ST8SIA1: variants seen among roughly 807,000 people sequenced by gnomAD.
ST8SIA1 encodes alpha-N-acetylneuraminide alpha-2,8-sialyltransferase.
In ST8SIA1, 16 loss-of-function variants were observed where a neutral mutation model predicts 35.9. The ratio of observed to expected loss-of-function variants is 0.45; its 90% confidence interval spans 0.30 to 0.68. The LOEUF (loss-of-function observed/expected upper bound fraction) is 0.68, where lower values mean the gene tolerates loss of function less well. Among genes scored for constraint, ST8SIA1 ranks in the 30% least tolerant of loss-of-function variants. The pLI is 0.09. For synonymous variants in ST8SIA1, 170 were observed against 169.6 expected, an observed-to-expected ratio of 1.00 and a Z score of -0.02; for missense variants, 383 against 453.6, an observed-to-expected ratio of 0.84 and a Z score of 1.41.
intron 4 of ST8SIA1, among the ~76,000 whole-genome samples, chr12:22,229,053 C>CAAAA: frequency 3.4e-5 from 1 of 29,770 alleles, no homozygotes. Context: ...GACTCCATCT[C>CAAAA]CAAAAAAAAA....
chr12:22,326,580 C>G (rs1462136835), intron 1 of ST8SIA1, among the ~76,000 whole-genome samples: 2 of 152,146 alleles, frequency 1.3e-5, no homozygotes, highest in African/African-American at 2.4e-5. Flanking sequence ...ATGACAGAAC[C>G]AGGATTAGAT....
chr12:22,255,408 G>A lies in ST8SIA1; in HGVS notation c.382-19C>T, dbSNP rs1865718645. 1 of 1,606,452 alleles carries A rather than the reference G, an allele frequency of 6.2e-7. No individual in the cohort carries two copies. Among genetic ancestry groups the A allele is most frequent in the East Asian group, 2.2e-5 (1 of 44,842 alleles). ...GGGTTGCCTAGCAACAGAAAACAAGGCGGGTTTTCACTGCAAAGAACACAC... is the reference window on the plus strand; with the variant it reads ...GGGTTGCCTAGCAACAGAAAACAAGACGGGTTTTCACTGCAAAGAACACAC... On this transcript the variant is annotated intron_variant, in intron 2 of 4. Transcript: ENST00000396037.
intron 1 of ST8SIA1, among the ~76,000 whole-genome samples, chr12:22,290,034 AG>A (rs1479754586): frequency 2.6e-5 from 4 of 152,222 alleles, no homozygotes; most frequent in Non-Finnish European, 5.9e-5. Flanking sequence ...TCACCATGCT[AG>A]GGCACTCATA....
intron 1 of ST8SIA1, among the ~76,000 whole-genome samples, chr12:22,311,691 T>C (rs1269108956): frequency 6.6e-6 from 1 of 152,174 alleles, no homozygotes; most frequent in Non-Finnish European, 1.5e-5. Flanking sequence ...CATGTTTTTA[T>C]TTATTTGGCA....
At position 22,195,188 on chromosome 12, in the gene ST8SIA1, C is replaced by CG; in HGVS notation, c.*6363_*6364insC. On this transcript the variant is annotated 3_prime_UTR_variant, in exon 5 of 5. Transcript: ENST00000396037. Reference sequence around the variant, plus strand: ...ACAAGAGCAAAAAACTCTGTCTCAACAAAAAAAAAAAAAAAAAAAAAAAAG... The same window carrying CG: ...ACAAGAGCAAAAAACTCTGTCTCAACGAAAAAAAAAAAAAAAAAAAAAAAAG... 2.0e-5 allele frequency: 1 copy of CG among 51,034 alleles called. No individual in the cohort carries two copies. The highest frequency in any genetic ancestry group is 8.9e-4 in the South Asian group (1 of 1,124). The allele number at this position is 51,034 out of a possible 1,614,324, so 3.2% of individuals were successfully genotyped here. A position where few individuals can be genotyped will look rare whatever the true frequency, so the allele number is the denominator to read the frequency against.
chr12:22,230,339 ACT>A (rs1243844195), intron 4 of ST8SIA1, among the ~76,000 whole-genome samples: 1 of 152,034 alleles, frequency 6.6e-6, no homozygotes, highest in Admixed American at 6.6e-5. Context: ...ACAGCTATAG[ACT>A]CTGAATCCTG....
intron 2 of ST8SIA1, chr12:22,286,425 A>T: frequency 5.8e-6 from 3 of 518,524 alleles, no homozygotes; most frequent in South Asian, 4.2e-5. Flanking sequence ...TGAGCAAACC[A>T]AGGGTGGCTA....
chr12:22,242,903 T>C (rs1865556600), intron 4 of ST8SIA1, among the ~76,000 whole-genome samples: 1 of 152,182 alleles, frequency 6.6e-6, no homozygotes, highest in Admixed American at 6.5e-5. Context: ...TCTAATCTTA[T>C]GTCTCAGGCA....
Position 22,287,273 on chromosome 12 carries a change from C to T in ST8SIA1, c.257G>A (p.Cys86Tyr). ...CATAGCAAAGAGATGGGCAGGGTCGCAGCAGTCTTCCATTTGTTTCCTAGG... is the reference window on the plus strand; with the variant it reads ...CATAGCAAAGAGATGGGCAGGGTCGTAGCAGTCTTCCATTTGTTTCCTAGG... ...RAFRKQMEDCCDPAHLFAMTK... is the reference protein window; with the variant it reads ...RAFRKQMEDCYDPAHLFAMTK... The change falls in exon 2 of 5, where the codon TGC becomes TAC. Residue 86 changes from cysteine (C) to tyrosine (Y), a missense_variant. Coordinates refer to ENST00000396037, the MANE Select transcript of ST8SIA1 (RefSeq NM_003034.4). 6.2e-7 allele frequency: 1 copy of T among 1,612,882 alleles called. No homozygotes were observed. Among genetic ancestry groups the T allele is most frequent in the South Asian group, 1.1e-5 (1 of 90,964 alleles).
At chr12:22,313,489 A>G (rs1866478966) in intron 1 of ST8SIA1, among the ~76,000 whole-genome samples, 1 of 152,170 alleles carries the variant, frequency 6.6e-6, no homozygotes, top group African/African-American at 2.4e-5. Context: ...TAATGGCCAA[A>G]TACACTCAAA....
chr12:22,318,641 C>T (rs183102523), intron 1 of ST8SIA1, among the ~76,000 whole-genome samples: 40 of 152,330 alleles, frequency 2.6e-4, no homozygotes, highest in African/African-American at 9.4e-4. Flanking sequence ...AAAGAGACAT[C>T]CTCCTTCCTC....
chr12:22,235,892 C>CCACACACACA (rs3831855), intron 4 of ST8SIA1, among the ~76,000 whole-genome samples: 1 of 149,398 alleles, frequency 6.7e-6, no homozygotes, highest in Non-Finnish European at 1.5e-5. Context: ...ATTCCCTTCA[C>CCACACACACA]CACACACACA....
chr12:22,233,758 T>C (rs1180173232), intron 4 of ST8SIA1, among the ~76,000 whole-genome samples: 1 of 152,166 alleles, frequency 6.6e-6, no homozygotes, highest in Non-Finnish European at 1.5e-5. Context: ...AAGTTTTCAC[T>C]GAAAAATCAG....
chr12:22,288,200 T>A (rs1866127408), intron 1 of ST8SIA1, among the ~76,000 whole-genome samples: 1 of 152,178 alleles, frequency 6.6e-6, no homozygotes, highest in African/African-American at 2.4e-5. Context: ...CACTTCCTCC[T>A]CTAGGAAGAT....
At chr12:22,321,537 C>G (rs1290214008) in intron 1 of ST8SIA1, among the ~76,000 whole-genome samples, 1 of 152,110 alleles carries the variant, frequency 6.6e-6, no homozygotes, top group Non-Finnish European at 1.5e-5. Flanking sequence ...CCTGAGCAGG[C>G]GGAGGTGGTA....
chr12:22,243,607 T>A (rs567182029), intron 4 of ST8SIA1, among the ~76,000 whole-genome samples: 1 of 152,366 alleles, frequency 6.6e-6, no homozygotes, highest in Admixed American at 6.5e-5. Context: ...CAGCACTTGC[T>A]ACCTGTTTGA....
rs558063384 is a variant in ST8SIA1, at chr12:22,287,278, G to A, written c.252C>T (p.Asp84=). 1.2e-6 allele frequency: 2 copies of A among 1,612,650 alleles called. No individual in the cohort carries two copies. The highest frequency in any genetic ancestry group is 2.2e-5 in the South Asian group (2 of 90,922). The part of the protein sequence containing the change: ...AARAFRKQME[D]CCDPAHLFAM... ...CAAAGAGATGGGCAGGGTCGCAGCA[G>A]TCTTCCATTTGTTTCCTAGGAGAGA... Residue 84 remains aspartate (D), a synonymous_variant, in exon 2 of 5, where the codon GAC becomes GAT. Transcript: ENST00000396037.
At chr12:22,290,855 C>T (rs1452871904) in intron 1 of ST8SIA1, among the ~76,000 whole-genome samples, 1 of 152,122 alleles carries the variant, frequency 6.6e-6, no homozygotes, top group Non-Finnish European at 1.5e-5. Flanking sequence ...GTATTATTTG[C>T]TTTTCTTTTG....
chr12:22,249,151 CAGTT>C, intron 3 of ST8SIA1, 53 bp from the exon 4 acceptor site: 2 of 1,137,476 alleles, frequency 1.8e-6, no homozygotes, highest in Non-Finnish European at 2.6e-6. Context: ...TTTAAATCAT[CAGTT>C]AGAATAATAC....
Sources: gnomAD v4.1 joint callset for allele counts (sites outside exome capture counted in the v4.1 genomes callset) on GRCh38, gnomAD v4.1.1 for gene constraint, MANE v1.5 for transcripts, NCBI Gene and HGNC (gene_info 2026-07-23, HGNC 2026-07-21) for gene names.